C2orf76: variants seen among roughly 807,000 people sequenced by gnomAD.
The protein encoded by C2orf76 is UPF0538 protein C2orf76.
A neutral mutation model predicts 16.9 loss-of-function variants in C2orf76; 23 were observed. The observed-to-expected ratio is 1.36, with a 90% CI of 0.98 to 1.93. The LOEUF is 1.93. C2orf76 is among the 30% of genes most tolerant of loss of function. The pLI is 0.00. For missense variants in C2orf76, 152 were observed against 152.6 expected (o/e 1.00, Z 0.02); for synonymous variants, 48 against 52.3 (o/e 0.92, Z 0.35).
downstream of C2orf76, among the ~76,000 whole-genome samples, chr2:119,298,704 G>T (rs1678573355): frequency 6.6e-6 from 1 of 151,616 alleles, no homozygotes; most frequent in Non-Finnish European, 1.5e-5. Context: ...TCTCTATTCA[G>T]GTCTTTTATA....
chr2:119,363,868 A>C (rs1482795858), intron 1 of C2orf76, among the ~76,000 whole-genome samples: 1 of 152,068 alleles, frequency 6.6e-6, no homozygotes, highest in Admixed American at 6.5e-5. Flanking sequence ...TCTACAAAAA[A>C]TTAGCCAGGC....
Position 119,339,929 on chromosome 2 carries a change from G to A in C2orf76, c.31C>T (p.Arg11Cys), listed in dbSNP as rs775442053. The change falls in exon 2 of 6, where the codon CGC (arginine) becomes TGC (cysteine). Residue 11 changes from arginine (R) to cysteine (C), a missense_variant. Coordinates refer to ENST00000334816, the MANE Select transcript of C2orf76 (RefSeq NM_001322331.2). Reference protein sequence around the residue: MAPGEVTITVRLIRSFEHRNF... With the variant: MAPGEVTITVCLIRSFEHRNF... The stretch of plus-strand genomic sequence containing the variant: ...CGATGTTCAAAGGAACGGATGAGGC[G>A]AACTGTGATGGTCACTTCTCCAGGA... The A allele has an allele frequency of 3.3e-5, 53 of 1,612,428 alleles. No homozygotes were observed. The highest frequency in any genetic ancestry group is 8.3e-5 in the Admixed American group (5 of 59,996).
chr2:119,311,655 TCAG>T lies in C2orf76; in HGVS notation c.268_270del (p.Leu90del), dbSNP rs748236211. ...GCTGCTTTCAGAGTGCTGTCTTCTT[TCAG>T]CAGGAGTCTTTCGTCATCTTCCAAA... On this transcript the variant is annotated inframe_deletion, in exon 5 of 6. Transcript: ENST00000334816. 1.2e-6 allele frequency: 2 copies of T among 1,613,310 alleles called. No homozygotes were observed. The highest frequency in any genetic ancestry group is 1.7e-6 in the Non-Finnish European group (2 of 1,179,932).
At chr2:119,313,406 A>G (rs1679060858) in intron 4 of C2orf76, among the ~76,000 whole-genome samples, 2 of 152,060 alleles carry the variant, frequency 1.3e-5, no homozygotes, top group African/African-American at 2.4e-5. Context: ...TGAGCAAGAT[A>G]GCAAGACCCG....
chr2:119,322,851 G>C (rs947046454), intron 2 of C2orf76, among the ~76,000 whole-genome samples: 1 of 150,692 alleles, frequency 6.6e-6, no homozygotes, highest in Non-Finnish European at 1.5e-5. Flanking sequence ...CTTGCTGAGT[G>C]GGGGGTGGGG....
chr2:119,363,201 G>A (rs1680800119), intron 1 of C2orf76, among the ~76,000 whole-genome samples: 1 of 152,100 alleles, frequency 6.6e-6, no homozygotes, highest in Non-Finnish European at 1.5e-5. Flanking sequence ...GAGACGGGCG[G>A]ATCACGAGGT....
intron 2 of C2orf76, among the ~76,000 whole-genome samples, chr2:119,325,409 G>A (rs548008312): frequency 5.0e-5 from 7 of 138,762 alleles, no homozygotes; most frequent in South Asian, 2.3e-4. Context: ...GCGGTGAGCC[G>A]AGATCTTGCC....
intron 3 of C2orf76, among the ~76,000 whole-genome samples, chr2:119,318,474 A>C (rs1023552142): frequency 1.3e-5 from 2 of 152,168 alleles, no homozygotes; most frequent in Non-Finnish European, 2.9e-5. Context: ...CTAGATAAGA[A>C]CTAGCACTCT....
At position 119,345,634 on chromosome 2, in the gene C2orf76, T is replaced by A. The variant is rs182933586; in HGVS notation, c.-12-5663A>T. On this transcript the variant is annotated intron_variant, in intron 1 of 5. Coordinates refer to ENST00000334816, the MANE Select transcript of C2orf76 (RefSeq NM_001322331.2). ...TTTTTCTGAAAAGTGGCTTTCCAAGTGAGGGTTGGTAGAAATAAGAAGTCA... is the reference window on the plus strand; with the variant it reads ...TTTTTCTGAAAAGTGGCTTTCCAAGAGAGGGTTGGTAGAAATAAGAAGTCA... Among the ~76,000 whole-genome samples, 7 of 152,292 alleles carry A rather than the reference T, an allele frequency of 4.6e-5. No homozygotes were observed. The East Asian group carries it at 7.7e-4, about 17-fold the overall frequency.
chr2:119,351,111 C>T (rs1422708809), intron 1 of C2orf76, among the ~76,000 whole-genome samples: 1 of 152,168 alleles, frequency 6.6e-6, no homozygotes, highest in African/African-American at 2.4e-5. Context: ...GTCTCGTGAG[C>T]TCGACTTCAC....
the C2orf76 span, among the ~76,000 whole-genome samples, chr2:119,282,850 C>T: frequency 6.6e-6 from 1 of 152,158 alleles, no homozygotes; most frequent in Non-Finnish European, 1.5e-5. Flanking sequence ...AATGGGCAAT[C>T]GGGTGGAAGC....
At position 119,348,120 on chromosome 2, in the gene C2orf76, T is replaced by C. The variant is rs151001848; in HGVS notation, c.-12-8149A>G. On this transcript the variant is annotated intron_variant, in intron 1 of 5. Coordinates refer to ENST00000334816, the MANE Select transcript of C2orf76 (RefSeq NM_001322331.2). ...AGTTGGTTATGTATGAAATCTCATA[T>C]ACTATTCCATTTGTAAATGCTTGAC... Among the ~76,000 whole-genome samples, 1,083 of 151,456 alleles carry C rather than the reference T, an allele frequency of 7.2e-3. 6 individuals are homozygous for C. The highest frequency in any genetic ancestry group is 0.012 in the Admixed American group (188 of 15,218).
At chr2:119,352,202 TAGAG>T (rs1558796530) in intron 1 of C2orf76, among the ~76,000 whole-genome samples, 1 of 152,216 alleles carries the variant, frequency 6.6e-6, no homozygotes. Context: ...AACAAACTCC[TAGAG>T]AGAATCATTT....
chr2:119,288,042 TG>T, the C2orf76 span, among the ~76,000 whole-genome samples: 1 of 150,596 alleles, frequency 6.6e-6, no homozygotes, highest in Non-Finnish European at 1.5e-5. Flanking sequence ...AAGGAGGTTT[TG>T]GGGGTGGTGG....
chr2:119,357,418 A>G (rs184131495), intron 1 of C2orf76, among the ~76,000 whole-genome samples: 62 of 152,292 alleles, frequency 4.1e-4, no homozygotes, highest in African/African-American at 1.3e-3. Context: ...AAAGCAATCA[A>G]TGTAATCCAC....
intron 3 of C2orf76, among the ~76,000 whole-genome samples, chr2:119,319,365 G>A (rs6721142): frequency 0.23 from 34,720 of 152,108 alleles, 4,332 homozygotes; most frequent in Middle Eastern, 0.31. Context: ...CCAGCAGAGA[G>A]ATGTATTACT....
intron 2 of C2orf76, 121 bp downstream of exon 2, chr2:119,339,706 G>T: frequency 1.8e-6 from 2 of 1,118,250 alleles, no homozygotes; most frequent in South Asian, 1.7e-5. Flanking sequence ...CCCAGCACCT[G>T]GCTTGGAACC....
At chr2:119,292,056 T>C in the C2orf76 span, among the ~76,000 whole-genome samples, 1 of 152,074 alleles carries the variant, frequency 6.6e-6, no homozygotes, top group Non-Finnish European at 1.5e-5. Flanking sequence ...TTCCCACTCA[T>C]GCTTGCCTAA....
At chr2:119,295,371 G>C in the C2orf76 span, among the ~76,000 whole-genome samples, 2 of 152,166 alleles carry the variant, frequency 1.3e-5, no homozygotes, top group Admixed American at 1.3e-4. Context: ...GATGGAGGGA[G>C]GAGGAAGGGG....
Sources: gnomAD v4.1 joint callset for allele counts (sites outside exome capture counted in the v4.1 genomes callset) on GRCh38, gnomAD v4.1.1 for gene constraint, MANE v1.5 for transcripts, NCBI Gene and HGNC (gene_info 2026-07-23, HGNC 2026-07-21) for gene names.